The following RYR2 variants were observed in gnomAD, a reference collection of about 807,000 sequenced individuals.
RYR2 encodes ryanodine receptor 2.
RYR2 carries 227 observed loss-of-function variants against 601.1 expected under a neutral mutation model. The observed-to-expected ratio is 0.38, with a 90% CI of 0.34 to 0.42. The LOEUF is 0.42. Ranked by LOEUF, RYR2 falls within the 10% of genes least tolerant of loss-of-function variation. The probability of loss-of-function intolerance (pLI) is 1.00; values close to 1 mark genes in which losing one functional copy is unlikely to be tolerated. For missense variants in RYR2, 4,646 were observed against 6,156.5 expected, an observed-to-expected ratio of 0.75 and a Z score of 8.21; for synonymous variants, 2,223 against 2,175.1, an observed-to-expected ratio of 1.02 and a Z score of -0.61.
At chr1:237,102,396 T>C (rs1283416577) in intron 1 of RYR2, among the ~76,000 whole-genome samples, 1 of 152,188 alleles carries the variant, frequency 6.6e-6, no homozygotes, top group Non-Finnish European at 1.5e-5. Flanking sequence ...GCCGTCCTCT[T>C]GTTGAATGCC....
At chr1:237,403,012 G>A (rs1019692078) in intron 10 of RYR2, among the ~76,000 whole-genome samples, 1 of 151,140 alleles carries the variant, frequency 6.6e-6, no homozygotes, top group Non-Finnish European at 1.5e-5. Context: ...TGTAATTGGA[G>A]TCCCAAAATG....
At chr1:237,619,963 C>A in intron 38 of RYR2, among the ~76,000 whole-genome samples, 1 of 151,940 alleles carries the variant, frequency 6.6e-6, no homozygotes, top group Non-Finnish European at 1.5e-5. Context: ...AAAGGAAGTT[C>A]TTTAAATATA....
intron 1 of RYR2, among the ~76,000 whole-genome samples, chr1:237,198,840 ATC>A (rs993761041): frequency 4.6e-5 from 6 of 129,532 alleles, no homozygotes; most frequent in Non-Finnish European, 1.0e-4. Flanking sequence ...ATATTTTCTT[ATC>A]TTTTTTTTTT....
chr1:237,615,494 C>T (rs1678365061), intron 37 of RYR2, among the ~76,000 whole-genome samples: 1 of 152,110 alleles, frequency 6.6e-6, no homozygotes, highest in Admixed American at 6.5e-5. Context: ...ACCCAGCCAC[C>T]TTAGTATGTT....
At chr1:237,262,000 A>G (rs1015282940) in intron 1 of RYR2, among the ~76,000 whole-genome samples, 1 of 152,072 alleles carries the variant, frequency 6.6e-6, no homozygotes, top group Non-Finnish European at 1.5e-5. Context: ...TTATTAGGCA[A>G]TTTAGCTCTT....
At chr1:237,547,386 G>C (rs1217960120) in intron 25 of RYR2, among the ~76,000 whole-genome samples, 1 of 152,116 alleles carries the variant, frequency 6.6e-6, no homozygotes. Context: ...CCTAGTGAAC[G>C]TTCTTGAGTT....
intron 27 of RYR2, among the ~76,000 whole-genome samples, chr1:237,560,079 C>A (rs956848547): frequency 3.9e-5 from 6 of 152,262 alleles, no homozygotes; most frequent in African/African-American, 1.4e-4. Flanking sequence ...TCTCTTACTG[C>A]ATGTGCAGAG....
At chr1:237,300,890 G>A (rs867008037) in intron 2 of RYR2, among the ~76,000 whole-genome samples, 2 of 152,010 alleles carry the variant, frequency 1.3e-5, no homozygotes, top group Non-Finnish European at 2.9e-5. Context: ...AGACCAATGT[G>A]GAACCAAATA....
intron 1 of RYR2, among the ~76,000 whole-genome samples, chr1:237,186,889 C>T (rs1328405365): frequency 1.3e-5 from 2 of 152,196 alleles, no homozygotes; most frequent in Non-Finnish European, 2.9e-5. Context: ...AGGCTGCAGC[C>T]CGCATTGAGC....
At chr1:237,566,835 T>C in intron 28 of RYR2, 60 bp downstream of exon 28, 1 of 1,536,754 alleles carries the variant, frequency 6.5e-7, no homozygotes, top group Non-Finnish European at 9.0e-7. Flanking sequence ...TCTCCTCTGC[T>C]GTTCCTCTTG....
intron 100 of RYR2, among the ~76,000 whole-genome samples, chr1:237,809,249 A>G (rs1217051716): frequency 1.3e-5 from 2 of 152,224 alleles, no homozygotes; most frequent in Admixed American, 1.3e-4. Context: ...ACAGCCTAAT[A>G]ATTAGAATTG....
At chr1:237,247,264 A>G (rs1686946172) in intron 1 of RYR2, among the ~76,000 whole-genome samples, 1 of 152,186 alleles carries the variant, frequency 6.6e-6, no homozygotes, top group South Asian at 2.1e-4. Flanking sequence ...AGCTCGTGCA[A>G]AAATAATTGT....
At chr1:237,712,994 T>C (rs567071042) in intron 71 of RYR2, among the ~76,000 whole-genome samples, 5 of 152,136 alleles carry the variant, frequency 3.3e-5, no homozygotes, top group Non-Finnish European at 5.9e-5. Flanking sequence ...TCCACTGACC[T>C]CCAAAAGTCA....
intron 10 of RYR2, among the ~76,000 whole-genome samples, chr1:237,402,923 C>T (rs906993368): frequency 2.8e-5 from 4 of 142,126 alleles, no homozygotes; most frequent in African/African-American, 5.1e-5. Flanking sequence ...ACCCTCCTTC[C>T]CCCCAAAAAA....
chr1:237,593,406 A>G (rs1435075319), intron 32 of RYR2, 70 bp from the exon 33 acceptor site: 6 of 1,457,880 alleles, frequency 4.1e-6, no homozygotes, highest in Non-Finnish European at 5.6e-6. Context: ...AGACACAGTT[A>G]GGATTGCAAA....
Position 237,503,279 on chromosome 1 carries a change from T to A in RYR2, c.2397-10T>A. 1 of 1,592,408 alleles carries A rather than the reference T, an allele frequency of 6.3e-7. No individual in the cohort carries two copies. ...GAGATAAAATTGACTCTAACGTGCA[T>A]CCTCTTTAGAGTACGCTTTCTGCTT... On this transcript the variant is annotated splice_polypyrimidine_tract_variant and intron_variant, in intron 21 of 104. Transcript: ENST00000366574.
At chr1:237,124,798 G>A (rs1350981596) in intron 1 of RYR2, among the ~76,000 whole-genome samples, 1 of 152,118 alleles carries the variant, frequency 6.6e-6, no homozygotes, top group East Asian at 1.9e-4. Context: ...GGGGGGCATT[G>A]CTGTGCCTGA....
chr1:237,453,253 C>CT (rs1658417728), intron 14 of RYR2, among the ~76,000 whole-genome samples: 1 of 151,740 alleles, frequency 6.6e-6, no homozygotes. Context: ...GAATTCTGTT[C>CT]ATATATAATT....
chr1:237,599,534 T>C (rs1676260328), intron 34 of RYR2, among the ~76,000 whole-genome samples: 1 of 152,008 alleles, frequency 6.6e-6, no homozygotes. Flanking sequence ...TAAAAATCAG[T>C]TATCGGCTGG....
Sources: allele counts gnomAD v4.1 joint callset (sites outside exome capture counted in the v4.1 genomes callset), GRCh38; gene constraint gnomAD v4.1.1; transcripts MANE v1.5; gene names NCBI Gene and HGNC (gene_info 2026-07-23, HGNC 2026-07-21).